Variants in ADCY8 observed in about 807,000 individuals in gnomAD.
ADCY8 encodes the protein adenylate cyclase type 8.
In ADCY8, 51 loss-of-function variants were observed where a neutral mutation model predicts 119.7. The observed-to-expected ratio is 0.43, with a 90% CI of 0.34 to 0.54. The LOEUF is 0.54. Ranked by LOEUF, ADCY8 falls within the 20% of genes least tolerant of loss-of-function variation. The pLI, the probability that ADCY8 is intolerant of heterozygous loss-of-function variation, is 0.03. For missense variants in ADCY8, 1,383 were observed against 1,598.8 expected, an observed-to-expected ratio of 0.87 and a Z score of 2.30; for synonymous variants, 665 against 651.0, an observed-to-expected ratio of 1.02 and a Z score of -0.33.
intron 15 of ADCY8, 56 bp downstream of exon 15, chr8:130,800,367 CACA>C: frequency 6.3e-7 from 1 of 1,578,724 alleles, no homozygotes. Flanking sequence ...CAATGAATAA[CACA>C]ACGCTTTGAC....
chr8:131,018,462 A>G (rs1051191669), intron 1 of ADCY8, among the ~76,000 whole-genome samples: 3 of 152,184 alleles, frequency 2.0e-5, no homozygotes, highest in Non-Finnish European at 2.9e-5. Flanking sequence ...TCATTCATTC[A>G]ATAAAATTTC....
chr8:131,002,066 A>G (rs893842416), intron 1 of ADCY8, among the ~76,000 whole-genome samples: 1 of 152,222 alleles, frequency 6.6e-6, no homozygotes, highest in African/African-American at 2.4e-5. Context: ...CTTAGTGGCT[A>G]AGAATTTGGG....
chr8:130,978,985 T>C (rs1208801245), intron 2 of ADCY8, among the ~76,000 whole-genome samples: 2 of 152,172 alleles, frequency 1.3e-5, no homozygotes, highest in African/African-American at 4.8e-5. Flanking sequence ...AAGCTGTGCC[T>C]GAAGCCTGCT....
At chr8:130,990,674 T>G (rs1415772473) in intron 1 of ADCY8, 132 bp from the exon 2 acceptor site, 1 of 1,156,102 alleles carries the variant, frequency 8.6e-7, no homozygotes, top group Non-Finnish European at 1.2e-6. Flanking sequence ...CGCATGTTTG[T>G]AGAGCTATGC....
At chr8:130,976,364 G>A (rs1237999562) in intron 2 of ADCY8, among the ~76,000 whole-genome samples, 2 of 152,166 alleles carry the variant, frequency 1.3e-5, no homozygotes, top group Non-Finnish European at 2.9e-5. Flanking sequence ...ATTATTGTAG[G>A]TGTCGGAAGA....
intron 14 of ADCY8, among the ~76,000 whole-genome samples, chr8:130,811,609 A>C (rs1411015303): frequency 6.6e-6 from 1 of 152,124 alleles, no homozygotes; most frequent in Non-Finnish European, 1.5e-5. Flanking sequence ...CCTTTGTAGC[A>C]TCCTCAGCAA....
At position 130,903,936 on chromosome 8, in the gene ADCY8, C is replaced by T. The variant is rs199719667; in HGVS notation, c.1747G>A (p.Glu583Lys). The T allele has an allele frequency of 2.7e-4, 440 of 1,614,082 alleles. No homozygotes were observed. The highest frequency in any genetic ancestry group is 1.1e-3 in the Admixed American group (68 of 60,010). The change falls in exon 7 of 18, where the codon GAA becomes AAA. Residue 583 changes from glutamate to lysine, a missense_variant. Glu to Lys is a moderately conservative substitution (Grantham distance 56, BLOSUM62 1). Transcript: ENST00000286355. ...TCAGGCTGCTTAATTAAGTAAGTTT[C>T]GATATTATGCTTCCTCAGGAATTCA... ...RNEFLRKHNIETYLIKQPEDS... is the reference protein window; with the variant it reads ...RNEFLRKHNIKTYLIKQPEDS...
chr8:130,900,383 G>C (rs72714435), intron 7 of ADCY8, among the ~76,000 whole-genome samples: 11,482 of 152,206 alleles, frequency 0.075, 490 homozygotes, highest in Non-Finnish European at 0.1. Flanking sequence ...GAAATGGGTA[G>C]AGGGAAGGGA....
chr8:131,027,720 G>A (rs528005798), intron 1 of ADCY8, among the ~76,000 whole-genome samples: 2 of 152,338 alleles, frequency 1.3e-5, no homozygotes, highest in East Asian at 3.9e-4. Flanking sequence ...AACTGGGGTA[G>A]AGATACAGGG....
chr8:130,882,882 G>A (rs1022323481), intron 8 of ADCY8, among the ~76,000 whole-genome samples: 3 of 152,090 alleles, frequency 2.0e-5, no homozygotes, highest in East Asian at 1.9e-4. Flanking sequence ...AGAATATCTC[G>A]GTGACAGGAG....
intron 2 of ADCY8, among the ~76,000 whole-genome samples, chr8:130,979,037 C>T (rs2130719843): frequency 6.6e-6 from 1 of 152,258 alleles, no homozygotes; most frequent in South Asian, 2.1e-4. Flanking sequence ...GGGCGGAAGA[C>T]AGTCTACCAT....
intron 13 of ADCY8, among the ~76,000 whole-genome samples, chr8:130,816,522 T>C (rs916795913): frequency 6.8e-6 from 1 of 148,136 alleles, no homozygotes. Flanking sequence ...GCCCCTCGGG[T>C]TCACCCCATT....
At chr8:130,938,579 G>A (rs1820863827) in intron 4 of ADCY8, among the ~76,000 whole-genome samples, 1 of 152,176 alleles carries the variant, frequency 6.6e-6, no homozygotes, top group South Asian at 2.1e-4. Context: ...CAACAGTACT[G>A]TTGATGCCCT....
intron 2 of ADCY8, among the ~76,000 whole-genome samples, chr8:130,969,642 G>T (rs1821865015): frequency 6.6e-6 from 1 of 152,228 alleles, no homozygotes; most frequent in Admixed American, 6.5e-5. Flanking sequence ...TAACCTGGGT[G>T]TGCAGCTCTT....
chr8:130,881,002 C>T (rs77254348), intron 8 of ADCY8, among the ~76,000 whole-genome samples: 1,527 of 152,264 alleles, frequency 0.01, 18 homozygotes, highest in Non-Finnish European at 0.017. Flanking sequence ...GCATACTGTT[C>T]TGAAGCTTAA....
intron 17 of ADCY8, among the ~76,000 whole-genome samples, chr8:130,782,872 A>G (rs1414067153): frequency 1.3e-5 from 2 of 152,274 alleles, no homozygotes; most frequent in African/African-American, 4.8e-5. Context: ...TATCAGCCAG[A>G]AGATGTCTAC....
intron 2 of ADCY8, among the ~76,000 whole-genome samples, chr8:130,971,267 T>C (rs1821914696): frequency 6.6e-6 from 1 of 152,202 alleles, no homozygotes; most frequent in African/African-American, 2.4e-5. Context: ...GCTTAGATTA[T>C]TTATAAGTCA....
intron 2 of ADCY8, among the ~76,000 whole-genome samples, chr8:130,966,627 A>AGT (rs1379107915): frequency 6.6e-6 from 1 of 152,232 alleles, no homozygotes; most frequent in Non-Finnish European, 1.5e-5. Flanking sequence ...ATGGTAAGTG[A>AGT]CAGCAAGCGG....
intron 13 of ADCY8, among the ~76,000 whole-genome samples, chr8:130,816,954 C>A (rs1276900608): frequency 2.6e-5 from 4 of 151,954 alleles, no homozygotes; most frequent in Non-Finnish European, 5.9e-5. Flanking sequence ...AAACAAATAA[C>A]CAAGCAGACA....
Sources: allele counts gnomAD v4.1 joint callset (sites outside exome capture counted in the v4.1 genomes callset), GRCh38; gene constraint gnomAD v4.1.1; transcripts MANE v1.5; gene names NCBI Gene and HGNC (gene_info 2026-07-23, HGNC 2026-07-21).